Variants in MAP4 observed in about 807,000 individuals in gnomAD.
The protein encoded by MAP4 is microtubule associated protein 4, also known as microtubule-associated protein 4.
MAP4 carries 76 observed loss-of-function variants against 170.2 expected under a neutral mutation model. The observed-to-expected ratio is 0.45, with a 90% CI of 0.37 to 0.54. The LOEUF is 0.54. Among genes scored for constraint, MAP4 ranks in the 20% least tolerant of loss-of-function variants. MAP4 has a pLI of 0.00. For missense variants in MAP4, 2,506 were observed against 2,748.0 expected (o/e 0.91, Z 1.97); for synonymous variants, 909 against 994.5 (o/e 0.91, Z 1.62).
intron 3 of MAP4, chr3:47,974,794 A>T (rs1402921229): frequency 2.1e-6 from 2 of 969,388 alleles, no homozygotes; most frequent in African/African-American, 3.5e-5. Context: ...CCAACTTGCA[A>T]ATAATAAAGG....
At chr3:47,958,677 G>A (rs543873362) in intron 3 of MAP4, among the ~76,000 whole-genome samples, 21 of 145,060 alleles carry the variant, frequency 1.4e-4, no homozygotes, top group African/African-American at 1.8e-4. Flanking sequence ...CACCACACCC[G>A]GCTAATTTTT....
At chr3:47,992,903 T>TA (rs79093019) in intron 2 of MAP4, among the ~76,000 whole-genome samples, 7,416 of 117,710 alleles carry the variant, frequency 0.063, 451 homozygotes, top group African/African-American at 0.17. Context: ...CACTCCATCT[T>TA]AAAAAAAAAA....
In MAP4 at chr3:47,902,622, C is replaced by T. The variant is rs999863340; in HGVS notation, c.5434+328G>A. Among the ~76,000 whole-genome samples, 6 of 131,938 alleles carry T rather than the reference C, an allele frequency of 4.5e-5. No individual in the cohort carries two copies. The East Asian group carries it at 1.2e-3, about 27-fold the overall frequency. 86.6% of individuals were successfully genotyped at this position (131,938 alleles called of 152,430 possible). On this transcript the variant is annotated intron_variant, in intron 10 of 20. Coordinates refer to ENST00000683076, the MANE Select transcript of MAP4 (RefSeq NM_001385682.1). ...CCAGGAGCCAGAGGTTGCAGTGAGC[C>T]GAGATTGTGCCACTGCACTCCTGCC...
At chr3:47,885,980 G>A (rs1171605799) in intron 10 of MAP4, among the ~76,000 whole-genome samples, 3 of 152,094 alleles carry the variant, frequency 2.0e-5, no homozygotes, top group East Asian at 1.9e-4. Flanking sequence ...CGCCCGCCTC[G>A]GCCTCCCAAA....
intron 3 of MAP4, among the ~76,000 whole-genome samples, chr3:47,944,078 G>A (rs2100058179): frequency 6.6e-6 from 1 of 152,070 alleles, no homozygotes; most frequent in African/African-American, 2.4e-5. Flanking sequence ...TTGGGAGGCT[G>A]AGGCAGGTGG....
chr3:47,914,532 AGAGT>A (rs1189005932), intron 8 of MAP4, among the ~76,000 whole-genome samples: 6 of 150,154 alleles, frequency 4.0e-5, no homozygotes, highest in Admixed American at 2.0e-4. Context: ...CCTGGGCGAC[AGAGT>A]GAGACTCTGT....
chr3:48,056,401 C>A (rs2100131606), intron 1 of MAP4, among the ~76,000 whole-genome samples: 1 of 82,890 alleles, frequency 1.2e-5, no homozygotes, highest in African/African-American at 4.7e-5. Context: ...GGGGGTCAGC[C>A]CCCCCACCCG....
chr3:47,959,523 G>A (rs1012184992), intron 3 of MAP4, among the ~76,000 whole-genome samples: 7 of 151,816 alleles, frequency 4.6e-5, no homozygotes, highest in South Asian at 2.1e-4. Context: ...TTGGGAGGCC[G>A]AGGTGGGCAG....
chr3:47,938,345 C>T (rs752572287), intron 3 of MAP4, among the ~76,000 whole-genome samples: 17 of 151,906 alleles, frequency 1.1e-4, no homozygotes, highest in East Asian at 1.9e-4. Context: ...CCAGCCTGGG[C>T]GACAGAGCGA....
intron 4 of MAP4, 98 bp downstream of exon 4, chr3:47,928,130 T>C (rs1280041660): frequency 6.9e-7 from 1 of 1,444,540 alleles, no homozygotes; most frequent in African/African-American, 1.4e-5. Context: ...TTGTGATCTA[T>C]ACTTAAGCTA....
At chr3:48,048,696 T>A (rs1479241384) in intron 1 of MAP4, among the ~76,000 whole-genome samples, 1 of 151,962 alleles carries the variant, frequency 6.6e-6, no homozygotes, top group African/African-American at 2.4e-5. Flanking sequence ...TTTTAAATTT[T>A]TTTGTAGAGA....
intron 2 of MAP4, among the ~76,000 whole-genome samples, chr3:47,996,691 A>T (rs2100095861): frequency 6.6e-6 from 1 of 151,732 alleles, no homozygotes; most frequent in Non-Finnish European, 1.5e-5. Context: ...TTTTGGCCTC[A>T]GCCTACTATT....
chr3:48,007,748 A>G (rs996851327), intron 1 of MAP4, among the ~76,000 whole-genome samples: 1 of 150,874 alleles, frequency 6.6e-6, no homozygotes, highest in South Asian at 2.1e-4. Context: ...TCTCGGCTCA[A>G]TGCAACCTCC....
chr3:47,943,245 A>G (rs112822907), intron 3 of MAP4, among the ~76,000 whole-genome samples: 118 of 152,344 alleles, frequency 7.7e-4, no homozygotes, highest in Middle Eastern at 6.8e-3. Context: ...CCAAATGTTC[A>G]TATCCAACTA....
chr3:47,894,057 G>A (rs947722932), intron 10 of MAP4, among the ~76,000 whole-genome samples: 1 of 151,542 alleles, frequency 6.6e-6, no homozygotes, highest in African/African-American at 2.4e-5. Context: ...ATGATGAGTG[G>A]CAATGTTGCA....
In MAP4 at chr3:47,871,056, G is replaced by A. The variant is rs1309204905; in HGVS notation, c.6051C>T (p.Thr2017=). ...KSTSTSSMKK[T]TTLSGTAPAA... ...CGGGGGCTGTCCCACTGAGAGTGGT[G>A]GTTTTCTTCATGGAACTGGTGGAGG... Residue 2017 remains threonine (T), a synonymous_variant, in exon 15 of 21, where the codon ACC becomes ACT. Transcript: ENST00000683076. 3 of 1,612,050 alleles carry A rather than the reference G, an allele frequency of 1.9e-6. No individual in the cohort carries two copies. The highest frequency in any genetic ancestry group is 2.2e-5 in the East Asian group (1 of 44,862).
chr3:48,078,714 AAC>A (rs1030198972), intron 1 of MAP4, among the ~76,000 whole-genome samples: 34 of 152,238 alleles, frequency 2.2e-4, no homozygotes, highest in Admixed American at 2.2e-3. Context: ...CACCCAAAGC[AAC>A]ACACTCACTA....
intron 1 of MAP4, among the ~76,000 whole-genome samples, chr3:48,086,152 TCACACACA>T (rs373452472): frequency 5.4e-5 from 8 of 148,386 alleles, no homozygotes; most frequent in East Asian, 2.0e-4. Context: ...ATACACACAC[TCACACACA>T]CACACACACA....
chr3:47,904,653 C>CGGG, intron 9 of MAP4, among the ~76,000 whole-genome samples: 1 of 11,440 alleles, frequency 8.7e-5, no homozygotes, highest in South Asian at 3.4e-3. Context: ...TTTTTTTGGG[C>CGGG]GGGGGGGCTA....
Sources: gnomAD v4.1 joint callset for allele counts (sites outside exome capture counted in the v4.1 genomes callset) on GRCh38, gnomAD v4.1.1 for gene constraint, MANE v1.5 for transcripts, NCBI Gene and HGNC (gene_info 2026-07-23, HGNC 2026-07-21) for gene names.